NELL2: variants seen among roughly 807,000 people sequenced by gnomAD.
NELL2 encodes the protein neural EGFL like 2.
Under a neutral mutation model 109.6 loss-of-function variants are expected in NELL2, and 41 were observed. The ratio of observed to expected loss-of-function variants is 0.37; its 90% CI spans 0.29 to 0.49. The LOEUF (loss-of-function observed/expected upper bound fraction) is 0.49, where lower values mean the gene tolerates loss of function less well. Ranked by LOEUF, NELL2 falls within the 20% of genes least tolerant of loss-of-function variation. The pLI is 0.98. For missense variants in NELL2, 900 were observed against 1,008.3 expected, an observed-to-expected ratio of 0.89 and a Z score of 1.45; for synonymous variants, 355 against 344.7, an observed-to-expected ratio of 1.03 and a Z score of -0.33.
intron 11 of NELL2, among the ~76,000 whole-genome samples, chr12:44,706,426 C>T (rs911750444): frequency 2.0e-5 from 3 of 152,032 alleles, no homozygotes; most frequent in African/African-American, 7.2e-5. Context: ...TATGGGTTGG[C>T]AACATAATCC....
intron 15 of NELL2, among the ~76,000 whole-genome samples, chr12:44,572,925 G>C (rs759674145): frequency 6.6e-6 from 1 of 152,142 alleles, no homozygotes; most frequent in African/African-American, 2.4e-5. Flanking sequence ...ATTAAGGAGT[G>C]GTAGAAGCAG....
intron 9 of NELL2, among the ~76,000 whole-genome samples, chr12:44,760,894 T>C (rs866095522): frequency 6.6e-6 from 1 of 152,090 alleles, no homozygotes. Context: ...AAAGAATCAA[T>C]TACGTGAAAT....
chr12:44,727,123 A>G (rs1010312694), intron 9 of NELL2, among the ~76,000 whole-genome samples: 2 of 152,154 alleles, frequency 1.3e-5, no homozygotes, highest in Non-Finnish European at 1.5e-5. Context: ...GATCACACTT[A>G]GAGTAGCAAG....
In NELL2 at chr12:44,876,031, A is replaced by T; in HGVS notation, c.-162T>A. The T allele has an allele frequency of 6.7e-7, 1 of 1,491,498 alleles. No individual in the cohort carries two copies. Among genetic ancestry groups the T allele is most frequent in the Non-Finnish European group, 8.9e-7 (1 of 1,126,920 alleles). 92.4% of individuals were successfully genotyped at this position (1,491,498 alleles called of 1,614,324 possible). A position where few individuals can be genotyped will look rare whatever the true frequency, so the allele number is the denominator to read the frequency against. ...ACGCTTTGGTTGCCTAAGAAAGAAAAGGGAGGCCTCCCCAGGCGCGTGAAG... is the reference window on the plus strand; with the variant it reads ...ACGCTTTGGTTGCCTAAGAAAGAAATGGGAGGCCTCCCCAGGCGCGTGAAG... On this transcript the variant is annotated 5_prime_UTR_variant, in exon 1 of 20. Transcript: ENST00000429094.
chr12:44,874,923 T>G, intron 2 of NELL2: 3 of 254,760 alleles, frequency 1.2e-5, no homozygotes, highest in Non-Finnish European at 1.5e-5. Flanking sequence ...GGCGTTTGTG[T>G]TATAATTCAT....
chr12:44,882,188 A>G (rs1247186460), intron 1 of NELL2, among the ~76,000 whole-genome samples: 2 of 151,986 alleles, frequency 1.3e-5, no homozygotes, highest in Non-Finnish European at 2.9e-5. Flanking sequence ...TCAGGAATGA[A>G]GAGTAGAAGT....
intron 13 of NELL2, among the ~76,000 whole-genome samples, chr12:44,612,952 T>A (rs1185021312): frequency 6.6e-6 from 1 of 151,986 alleles, no homozygotes. Flanking sequence ...TCCTCTGTTG[T>A]CATTTACTCT....
intron 2 of NELL2, among the ~76,000 whole-genome samples, chr12:44,869,406 A>C (rs924962075): frequency 1.3e-5 from 2 of 152,178 alleles, no homozygotes; most frequent in African/African-American, 4.8e-5. Context: ...CATGAAAGGT[A>C]GCTTCATAGA....
At chr12:44,578,629 CTTT>C (rs35098523) in intron 15 of NELL2, among the ~76,000 whole-genome samples, 4 of 143,118 alleles carry the variant, frequency 2.8e-5, no homozygotes, top group Non-Finnish European at 3.1e-5. Context: ...CAAATATAGC[CTTT>C]TTTTTTTTTT....
At chr12:44,757,896 T>C (rs1460410110) in intron 9 of NELL2, among the ~76,000 whole-genome samples, 1 of 152,148 alleles carries the variant, frequency 6.6e-6, no homozygotes, top group Non-Finnish European at 1.5e-5. Context: ...TTAAGTATTA[T>C]AATTTTGATA....
intron 9 of NELL2, among the ~76,000 whole-genome samples, chr12:44,734,847 AT>A (rs1365842096): frequency 6.6e-6 from 1 of 152,034 alleles, no homozygotes; most frequent in Non-Finnish European, 1.5e-5. Flanking sequence ...CTCACTATTT[AT>A]AACTAATTTT....
intron 2 of NELL2, among the ~76,000 whole-genome samples, chr12:44,829,781 G>T (rs1041325184): frequency 2.6e-5 from 4 of 151,896 alleles, no homozygotes; most frequent in African/African-American, 9.7e-5. Context: ...TTACCCCATA[G>T]ATAGTACCTG....
intron 3 of NELL2, among the ~76,000 whole-genome samples, chr12:44,798,471 A>G (rs886834979): frequency 6.6e-6 from 1 of 152,104 alleles, no homozygotes; most frequent in Non-Finnish European, 1.5e-5. Flanking sequence ...TCAAATATCC[A>G]GGAATTAATT....
At chr12:44,860,202 G>T (rs776839356) in intron 2 of NELL2, among the ~76,000 whole-genome samples, 2 of 152,108 alleles carry the variant, frequency 1.3e-5, no homozygotes, top group Non-Finnish European at 2.9e-5. Context: ...CCTATTGTAC[G>T]TCCCAAATGA....
intron 15 of NELL2, among the ~76,000 whole-genome samples, chr12:44,588,523 A>G (rs1456108546): frequency 6.6e-6 from 1 of 152,214 alleles, no homozygotes; most frequent in Admixed American, 6.5e-5. Flanking sequence ...TGCATGCCAC[A>G]GTACGCTGCA....
At chr12:44,616,593 TAAC>T (rs2136263003) in intron 13 of NELL2, among the ~76,000 whole-genome samples, 2 of 152,304 alleles carry the variant, frequency 1.3e-5, no homozygotes, top group African/African-American at 4.8e-5. Flanking sequence ...GAGTAGCTTA[TAAC>T]AACAGTATCA....
At position 44,562,880 on chromosome 12, in the gene NELL2, C is replaced by A. The variant is rs145915449; in HGVS notation, c.1664-30159G>T. 6.1e-3 allele frequency among the ~76,000 whole-genome samples: 928 copies of A among 152,282 alleles called. 8 individuals are homozygous for A. The highest frequency in any genetic ancestry group is 0.021 in the African/African-American group (868 of 41,530). ...GACACATGCACACGTATGTTTATTG[C>A]AGCACTGTTCACAATAGCAAAGCTT... is the stretch of plus-strand genomic sequence containing the variant. On this transcript the variant is annotated intron_variant, in intron 15 of 19. Transcript: ENST00000429094.
At chr12:44,739,130 T>A (rs1334411844) in intron 9 of NELL2, among the ~76,000 whole-genome samples, 1 of 152,184 alleles carries the variant, frequency 6.6e-6, no homozygotes, top group Non-Finnish European at 1.5e-5. Flanking sequence ...TGAATTCCAG[T>A]GTAAATTAAG....
chr12:44,691,172 A>G (rs954340433), intron 12 of NELL2, among the ~76,000 whole-genome samples: 4 of 152,176 alleles, frequency 2.6e-5, no homozygotes, highest in African/African-American at 7.2e-5. Flanking sequence ...TATGAACTGA[A>G]GGTTTGTGAC....
Sources: allele counts gnomAD v4.1 joint callset (sites outside exome capture counted in the v4.1 genomes callset), GRCh38; gene constraint gnomAD v4.1.1; transcripts MANE v1.5; gene names NCBI Gene and HGNC (gene_info 2026-07-23, HGNC 2026-07-21).